P2RY12: variants seen among roughly 807,000 people sequenced by gnomAD.
P2RY12 encodes purinergic receptor P2Y12.
A neutral mutation model predicts 4.5 loss-of-function variants in P2RY12; 3 were observed. The observed-to-expected ratio is 0.67, with a 90% CI of 0.31 to 1.74. The LOEUF (loss-of-function observed/expected upper bound fraction) is 1.74, where lower values mean the gene tolerates loss of function less well. P2RY12 is among the 40% of genes most tolerant of loss of function. The pLI is 0.09. For missense variants in P2RY12, 356 were observed against 407.8 expected (o/e 0.87, Z 1.09); for synonymous variants, 148 against 154.1 (o/e 0.96, Z 0.29).
intron 1 of P2RY12, among the ~76,000 whole-genome samples, chr3:151,374,947 A>T (rs994327293): frequency 6.6e-6 from 1 of 152,230 alleles, no homozygotes; most frequent in Non-Finnish European, 1.5e-5. Context: ...AAAAAAAGTG[A>T]CATACCTTAT....
chr3:151,377,935 C>A, intron 1 of P2RY12: 1 of 1,392,444 alleles, frequency 7.2e-7, no homozygotes, highest in Non-Finnish European at 9.6e-7. Flanking sequence ...CAAAGTTTCG[C>A]TTTGGAGTTT....
At chr3:151,377,876 A>G in intron 1 of P2RY12, 1 of 791,564 alleles carries the variant, frequency 1.3e-6, no homozygotes, top group Non-Finnish European at 1.8e-6. Context: ...AGGAAAGATA[A>G]TACAGAAATA....
chr3:151,359,721 A>G (rs779388562), intron 1 of P2RY12, among the ~76,000 whole-genome samples: 9 of 152,138 alleles, frequency 5.9e-5, no homozygotes, highest in Non-Finnish European at 1.3e-4. Context: ...ATAATCTGTC[A>G]TCTGTGACTC....
At chr3:151,349,295 G>A (rs1172515173) in intron 1 of P2RY12, among the ~76,000 whole-genome samples, 1 of 152,208 alleles carries the variant, frequency 6.6e-6, no homozygotes, top group Non-Finnish European at 1.5e-5. Context: ...TGGGGTGGTG[G>A]TGGAGAGGTG....
chr3:151,346,829 A>G (rs1752606292), intron 1 of P2RY12, among the ~76,000 whole-genome samples: 1 of 152,088 alleles, frequency 6.6e-6, no homozygotes, highest in Non-Finnish European at 1.5e-5. Context: ...ATATCAAACC[A>G]ATTACTGGAC....
chr3:151,359,010 G>C (rs1004682624), intron 1 of P2RY12, among the ~76,000 whole-genome samples: 7 of 152,106 alleles, frequency 4.6e-5, no homozygotes, highest in Non-Finnish European at 8.8e-5. Flanking sequence ...TGAGGTTTCA[G>C]GTTATGATTG....
intron 1 of P2RY12, among the ~76,000 whole-genome samples, chr3:151,358,577 T>G (rs1340454578): frequency 6.7e-6 from 1 of 149,778 alleles, no homozygotes; most frequent in South Asian, 2.1e-4. Flanking sequence ...TTGTTTTTGT[T>G]TTTTGTTTTT....
intron 1 of P2RY12, among the ~76,000 whole-genome samples, chr3:151,361,944 C>T (rs1365735812): frequency 6.6e-6 from 1 of 152,006 alleles, no homozygotes; most frequent in Non-Finnish European, 1.5e-5. Context: ...CAATTATTTA[C>T]TATAGATGGG....
At chr3:151,352,362 G>A (rs1405505630) in intron 1 of P2RY12, among the ~76,000 whole-genome samples, 3 of 152,170 alleles carry the variant, frequency 2.0e-5, no homozygotes, top group Non-Finnish European at 2.9e-5. Context: ...GAACCACATC[G>A]TTGGGAGGGG....
intron 1 of P2RY12, among the ~76,000 whole-genome samples, chr3:151,366,638 T>C (rs553575609): frequency 6.6e-6 from 1 of 152,322 alleles, no homozygotes; most frequent in East Asian, 1.9e-4. Flanking sequence ...TGTCGTACAC[T>C]AGTATCTCTT....
At chr3:151,346,170 A>G (rs561475351) in intron 1 of P2RY12, among the ~76,000 whole-genome samples, 1 of 152,234 alleles carries the variant, frequency 6.6e-6, no homozygotes, top group Admixed American at 6.5e-5. Flanking sequence ...TTTTATTTTC[A>G]CTAATTTTCT....
At chr3:151,354,098 G>T (rs1467739773) in intron 1 of P2RY12, among the ~76,000 whole-genome samples, 1 of 119,420 alleles carries the variant, frequency 8.4e-6, no homozygotes, top group Non-Finnish European at 1.6e-5. Flanking sequence ...CCGAGATCCC[G>T]CCACTGCACT....
intron 1 of P2RY12, among the ~76,000 whole-genome samples, chr3:151,363,900 T>C (rs1381809322): frequency 1.3e-5 from 2 of 152,180 alleles, no homozygotes; most frequent in African/African-American, 4.8e-5. Flanking sequence ...TTCTTAAAGC[T>C]ATTGACAGTG....
chr3:151,368,976 T>G (rs189760746), intron 1 of P2RY12, among the ~76,000 whole-genome samples: 21 of 152,174 alleles, frequency 1.4e-4, no homozygotes, highest in African/African-American at 4.3e-4. Flanking sequence ...TTGGCCAGAC[T>G]GGTCTTGAAC....
chr3:151,368,140 C>T (rs1466070545), intron 1 of P2RY12: 3 of 1,612,124 alleles, frequency 1.9e-6, no homozygotes, highest in East Asian at 2.2e-5. Flanking sequence ...TTCCAATCCC[C>T]CTTTCCTAGC....
chr3:151,377,193 T>C (rs771632223), intron 1 of P2RY12: 1 of 1,596,220 alleles, frequency 6.3e-7, no homozygotes, highest in Non-Finnish European at 8.5e-7. Flanking sequence ...TTTTGTCTGT[T>C]GTTTTATTGA....
At chr3:151,383,731 C>A in intron 1 of P2RY12, 1 of 1,275,160 alleles carries the variant, frequency 7.8e-7, no homozygotes, top group Non-Finnish European at 1.1e-6. Flanking sequence ...ATGGGGTGTT[C>A]TTTCTGTTTT....
At chr3:151,376,069 G>A (rs760191436) in intron 1 of P2RY12, 7 of 1,605,972 alleles carry the variant, frequency 4.4e-6, no homozygotes, top group Non-Finnish European at 5.9e-6. Flanking sequence ...GAAAGATTAT[G>A]TACAGACAAA....
intron 1 of P2RY12, chr3:151,372,471 TA>T: frequency 1.2e-6 from 1 of 851,286 alleles, no homozygotes; most frequent in Non-Finnish European, 1.9e-6. Flanking sequence ...ACTGTTCATA[TA>T]TTTTAAATCC....
Sources: allele counts gnomAD v4.1 joint callset (sites outside exome capture counted in the v4.1 genomes callset), GRCh38; gene constraint gnomAD v4.1.1; transcripts MANE v1.5; gene names NCBI Gene and HGNC (gene_info 2026-07-23, HGNC 2026-07-21).